DPP9: variants seen among roughly 807,000 people sequenced by gnomAD.
The protein encoded by DPP9 is dipeptidyl peptidase IV-related protein-2.
In DPP9, 50 loss-of-function variants were observed where a neutral mutation model predicts 110.7. The ratio of observed to expected loss-of-function variants is 0.45; its 90% CI spans 0.36 to 0.57. The LOEUF (loss-of-function observed/expected upper bound fraction) is 0.57, where lower values mean the gene tolerates loss of function less well. DPP9 is among the 20% of genes least tolerant of loss of function. The probability of loss-of-function intolerance (pLI) is 0.00; values close to 1 mark genes in which losing one functional copy is unlikely to be tolerated. For missense variants in DPP9, 1,022 were observed against 1,217.9 expected, an observed-to-expected ratio of 0.84 and a Z score of 2.39; for synonymous variants, 561 against 514.4, an observed-to-expected ratio of 1.09 and a Z score of -1.23.
At chr19:4,713,838 C>CG (rs1359952604) in intron 4 of DPP9, among the ~76,000 whole-genome samples, 10 of 152,126 alleles carry the variant, frequency 6.6e-5, no homozygotes, top group Non-Finnish European at 1.5e-4. Context: ...CATGGAGGAG[C>CG]GGGGCTGCCC....
chr19:4,676,789 C>T lies in DPP9; in HGVS notation c.2587-133G>A. On this transcript the variant is annotated intron_variant, in intron 21 of 21. Transcript: ENST00000262960. This position sits in a 1 kb window ranked among gnomAD's most constrained non-coding sequence, Gnocchi z 4.0. ...GAGGCCCAGTGATCTGGGTTTGAAT[C>T]CCACCTCGGCTGTTGACTTGCAGTG... is the stretch of plus-strand genomic sequence containing the variant. 1 of 700,120 alleles carries T rather than the reference C, an allele frequency of 1.4e-6. No individual in the cohort carries two copies. Among genetic ancestry groups the T allele is most frequent in the Non-Finnish European group, 2.5e-6 (1 of 398,998 alleles). The allele number at this position is 700,120 out of a possible 1,614,324, so 43.4% of individuals were successfully genotyped here.
rs746573723 is a variant in DPP9 at position 4,695,440 on chromosome 19, C to T, written c.1291G>A (p.Ala431Thr). ...NEEQRLASAR[A>T]VPRNVQPYVV... Reference sequence around the variant, plus strand: ...TACGGCTGGACATTCCTGGGGACAGCTCTGGCAGAGGCTAGCCGCTGCTCC... The same window carrying T: ...TACGGCTGGACATTCCTGGGGACAGTTCTGGCAGAGGCTAGCCGCTGCTCC... The change falls in exon 12 of 22, where the codon GCT becomes ACT. Residue 431 changes from alanine (A) to threonine (T), a missense_variant. By Grantham distance (58) the Ala-to-Thr change is moderately conservative (BLOSUM62 0). This residue lies in a region of DPP9 where 810 missense variants were observed against 920.6 expected (regional missense o/e 0.88). Transcript: ENST00000262960. The surrounding 1 kb of genome is among the most constrained non-coding windows in gnomAD (Gnocchi z 4.7). 5.6e-6 allele frequency: 9 copies of T among 1,594,050 alleles called. 1 individual carries two copies. In the East Asian group the frequency reaches 2.1e-4, roughly 37 times the overall value.
chr19:4,681,630 T>C (rs965814563), intron 20 of DPP9, among the ~76,000 whole-genome samples: 2 of 152,098 alleles, frequency 1.3e-5, no homozygotes, highest in African/African-American at 4.8e-5. Context: ...AGTGGCACGA[T>C]GTTCGCTCAC....
chr19:4,720,045 C>CT (rs936947879), intron 2 of DPP9, 104 bp from the exon 3 acceptor site: 22 of 1,014,356 alleles, frequency 2.2e-5, no homozygotes, highest in Admixed American at 6.0e-5. Flanking sequence ...AGGCAGCCCC[C>CT]CAAGCCTCCG....
rs1026224744 is a variant in DPP9 at position 4,700,413 on chromosome 19, G to A, written c.1013-136C>T. On this transcript the variant is annotated intron_variant, in intron 9 of 21. Coordinates refer to ENST00000262960, the MANE Select transcript of DPP9 (RefSeq NM_139159.5). This position sits in a 1 kb window ranked among gnomAD's most constrained non-coding sequence, Gnocchi z 4.3. ...GGAGTGGGGGAGGCAGGAGAAGCCA[G>A]GTGTCCCACGGTCTGTCTGTAGGCA... The A allele has an allele frequency of 3.6e-6, 2 of 561,174 alleles. No individual in the cohort carries two copies. The highest frequency in any genetic ancestry group is 1.9e-5 in the African/African-American group (1 of 52,174). 34.8% of individuals were successfully genotyped at this position (561,174 alleles called of 1,614,324 possible).
chr19:4,700,151 G>A lies in DPP9; in HGVS notation c.1074+65C>T. 3.0e-6 allele frequency: 4 copies of A among 1,351,426 alleles called. No individual in the cohort carries two copies. The highest frequency in any genetic ancestry group is 3.1e-5 in the South Asian group (2 of 63,848). The allele number at this position is 1,351,426 out of a possible 1,614,324, so 83.7% of individuals were successfully genotyped here. ...GGTGAGTGACCTGCCCATCCACCCA[G>A]CTGCCTACCCGGCCCTTCCCCGCAT... On this transcript the variant is annotated intron_variant, in intron 10 of 21. Coordinates refer to ENST00000262960, the MANE Select transcript of DPP9 (RefSeq NM_139159.5). The surrounding 1 kb of genome is among the most constrained non-coding windows in gnomAD (Gnocchi z 4.3).
At position 4,704,794 on chromosome 19, in the gene DPP9, T is replaced by C. The variant is rs2092492105; in HGVS notation, c.427-490A>G. 1.3e-5 allele frequency among the ~76,000 whole-genome samples: 2 copies of C among 152,136 alleles called. No individual in the cohort carries two copies. Among genetic ancestry groups the C allele is most frequent in the South Asian group, 4.1e-4 (2 of 4,836 alleles). On this transcript the variant is annotated intron_variant, in intron 5 of 21. Transcript: ENST00000262960. This position sits in a 1 kb window ranked among gnomAD's most constrained non-coding sequence, Gnocchi z 6.0. ...GGTGGGCAGATCACGAGGTCAGAAA[T>C]TCGAGACCAGCCTGGCCAATATGGT...
intron 11 of DPP9, 47 bp downstream of exon 11, chr19:4,697,504 C>T: frequency 6.5e-7 from 1 of 1,550,234 alleles, no homozygotes; most frequent in South Asian, 1.1e-5. Flanking sequence ...GCCCAGGGCC[C>T]AGGGCCCTGC....
In DPP9 at chr19:4,704,224, G is replaced by C; in HGVS notation, c.507C>G (p.Thr169=). 1 of 1,614,040 alleles carries C rather than the reference G, an allele frequency of 6.2e-7. No individual in the cohort carries two copies. The highest frequency in any genetic ancestry group is 8.5e-7 in the Non-Finnish European group (1 of 1,179,898). The part of the protein sequence containing the change: ...ERKRLGVFGI[T]SYDFHSESGL... ...CACTCTCGCTGTGGAAGTCGTAGGA[G>C]GTGATGCCGAAGACCCCCAGGCGTT... Residue 169 remains threonine (T), a synonymous_variant, in exon 6 of 22, where the codon ACC becomes ACG. Transcript: ENST00000262960. The surrounding 1 kb of genome is among the most constrained non-coding windows in gnomAD (Gnocchi z 6.0).
rs554274062 is a variant in DPP9 at position 4,723,795 on chromosome 19, G to A, written c.-210C>T. ...GGCGGGAGCGGGGGACGACAGCCGC[G>A]GCGGACACAGGGGACCCGCCGGCTC... is the stretch of plus-strand genomic sequence containing the variant. On this transcript the variant is annotated 5_prime_UTR_variant, in exon 1 of 22. Transcript: ENST00000262960. 0.014 allele frequency: 2,174 copies of A among 154,366 alleles called. 32 individuals are homozygous for A. The highest frequency in any genetic ancestry group is 0.019 in the Non-Finnish European group (1,322 of 68,222). 9.6% of individuals were successfully genotyped at this position (154,366 alleles called of 1,614,324 possible).
Position 4,687,852 on chromosome 19 carries a change from C to T in DPP9, c.1885+905G>A, listed in dbSNP as rs758495998. Among the ~76,000 whole-genome samples the T allele has an allele frequency of 7.2e-5, 11 of 152,014 alleles. No individual in the cohort carries two copies. Among genetic ancestry groups the T allele is most frequent in the Non-Finnish European group, 1.5e-4 (10 of 67,994 alleles). On this transcript the variant is annotated intron_variant, in intron 16 of 21. Coordinates refer to ENST00000262960, the MANE Select transcript of DPP9 (RefSeq NM_139159.5). The surrounding 1 kb of genome is among the most constrained non-coding windows in gnomAD (Gnocchi z 4.7). ...TCGCTCTGTCGCCCAGGCTAAAGTA[C>T]AGTGGTGCGATCTCAGCTCACTGCA...
intron 18 of DPP9, 27 bp from the exon 19 acceptor site, chr19:4,683,656 A>G (rs752109477): frequency 1.2e-6 from 2 of 1,613,184 alleles, no homozygotes; most frequent in Non-Finnish European, 8.5e-7. Flanking sequence ...GGCACCTCTC[A>G]GTGGCCTCCT....
Position 4,679,950 on chromosome 19 carries a change from G to GA in DPP9, c.2475-5dup. 1.9e-6 allele frequency: 3 copies of GA among 1,607,398 alleles called. No individual in the cohort carries two copies. The highest frequency in any genetic ancestry group is 1.7e-6 in the Non-Finnish European group (2 of 1,176,134). On this transcript the variant is annotated splice_polypyrimidine_tract_variant and splice_region_variant and intron_variant, in intron 20 of 21. Coordinates refer to ENST00000262960, the MANE Select transcript of DPP9 (RefSeq NM_139159.5). ...GAGGATAAGCAAGCGGTTGGGCCTG[G>GA]AAAACAGATGGGGAAGGGTCTGAGG...
chr19:4,688,561 C>G (rs1348954735), intron 16 of DPP9, 196 bp downstream of exon 16: 1 of 694,506 alleles, frequency 1.4e-6, no homozygotes, highest in African/African-American at 1.9e-5. Context: ...AGCTCGAACC[C>G]AGGACCGTCT....
rs2091041077 is a variant in DPP9, at chr19:4,688,839, C to T, written c.1803G>A (p.Val601=). ...HYSSVSTPPC[V]HVYKLSGPDD... is the part of the protein sequence containing the mutation. ...CGGGGCCGCTCAGCTTGTAGACGTGCACGCAGGGCGGCGTGCTCACGCTGC... is the reference window on the plus strand; with the variant it reads ...CGGGGCCGCTCAGCTTGTAGACGTGTACGCAGGGCGGCGTGCTCACGCTGC... Residue 601 remains valine (V), a synonymous_variant, in exon 16 of 22, where the codon GTG becomes GTA. Coordinates refer to ENST00000262960, the MANE Select transcript of DPP9 (RefSeq NM_139159.5). 6.6e-7 allele frequency: 1 copy of T among 1,511,368 alleles called. No individual in the cohort carries two copies. Among genetic ancestry groups the T allele is most frequent in the Non-Finnish European group, 8.7e-7 (1 of 1,143,638 alleles). The allele number at this position is 1,511,368 out of a possible 1,614,324, so 93.6% of individuals were successfully genotyped here.
In DPP9 at chr19:4,684,950, G is replaced by C. The variant is rs866473936; in HGVS notation, c.2032-141C>G. On this transcript the variant is annotated intron_variant, in intron 17 of 21. Coordinates refer to ENST00000262960, the MANE Select transcript of DPP9 (RefSeq NM_139159.5). The surrounding 1 kb of genome is among the most constrained non-coding windows in gnomAD (Gnocchi z 4.8). The stretch of plus-strand genomic sequence containing the variant: ...AAGCACCTGTGCCCCGGAGGCTCTG[G>C]ATGGACACCTGGGAGTGGCAAGGCG... 2.7e-6 allele frequency: 3 copies of C among 1,109,968 alleles called. No homozygotes were observed. The highest frequency in any genetic ancestry group is 1.5e-5 in the African/African-American group (1 of 64,582). The allele number at this position is 1,109,968 out of a possible 1,614,324, so 68.8% of individuals were successfully genotyped here.
chr19:4,694,964 A>C lies in DPP9; in HGVS notation c.1354-141T>G, dbSNP rs987881522. 1.4e-6 allele frequency: 1 copy of C among 713,498 alleles called. No homozygotes were observed. The highest frequency in any genetic ancestry group is 1.8e-5 in the African/African-American group (1 of 56,052). 44.2% of individuals were successfully genotyped at this position (713,498 alleles called of 1,614,324 possible). A position where few individuals can be genotyped will look rare whatever the true frequency, so the allele number is the denominator to read the frequency against. On this transcript the variant is annotated intron_variant, in intron 12 of 21. Transcript: ENST00000262960. The surrounding 1 kb of genome is among the most constrained non-coding windows in gnomAD (Gnocchi z 4.0). ...GGAATTTCAGAGACCAGCCTGGACA[A>C]CATAGTAAGACCCCACCTCTAAAAA...
Position 4,687,673 on chromosome 19 carries a change from C to T in DPP9, c.1885+1084G>A, listed in dbSNP as rs947874159. 2.0e-5 allele frequency among the ~76,000 whole-genome samples: 3 copies of T among 150,932 alleles called. No individual in the cohort carries two copies. The highest frequency in any genetic ancestry group is 2.9e-5 in the Non-Finnish European group (2 of 68,018). On this transcript the variant is annotated intron_variant, in intron 16 of 21. Transcript: ENST00000262960. The surrounding 1 kb of genome is among the most constrained non-coding windows in gnomAD (Gnocchi z 4.7). ...ACACCATAAAGGGCCCTCTGCATGC[C>T]GCTGTGGCCAGGACTGCAGGGTCCT...
intron 21 of DPP9, among the ~76,000 whole-genome samples, chr19:4,679,022 T>G (rs1327020875): frequency 7.5e-5 from 7 of 93,228 alleles, no homozygotes; most frequent in Middle Eastern, 6.0e-3. Context: ...CCGCCCCCGC[T>G]GAGGCCCCAC....
Sources: allele counts gnomAD v4.1 joint callset (sites outside exome capture counted in the v4.1 genomes callset), GRCh38; gene constraint gnomAD v4.1.1; regional missense constraint gnomAD v4.1.1; non-coding constraint Gnocchi (gnomAD v3.1); transcripts MANE v1.5; gene names NCBI Gene and HGNC (gene_info 2026-07-23, HGNC 2026-07-21).